ADAMTSL1: variants seen among roughly 807,000 people sequenced by gnomAD.
The protein encoded by ADAMTSL1 is ADAMTS like 1, also known as ADAMTS-like protein 1.
A neutral mutation model predicts 201.8 loss-of-function variants in ADAMTSL1; 126 were observed. The observed-to-expected ratio is 0.62, with a 90% CI of 0.54 to 0.72. The LOEUF (loss-of-function observed/expected upper bound fraction) is 0.72. Ranked by LOEUF, ADAMTSL1 falls within the 30% of genes least tolerant of loss-of-function variation. The pLI, the probability that ADAMTSL1 is intolerant of heterozygous loss-of-function variation, is 0.00. For synonymous variants in ADAMTSL1, 1,121 were observed against 903.4 expected, an observed-to-expected ratio of 1.24 and a Z score of -4.32; for missense variants, 2,679 against 2,277.8, an observed-to-expected ratio of 1.18 and a Z score of -3.59.
intron 1 of ADAMTSL1, among the ~76,000 whole-genome samples, chr9:18,058,616 C>T (rs959011095): frequency 6.6e-6 from 1 of 152,030 alleles, no homozygotes; most frequent in Non-Finnish European, 1.5e-5. Flanking sequence ...GCATTTCTCA[C>T]ATAAGAAAAA....
intron 1 of ADAMTSL1, among the ~76,000 whole-genome samples, chr9:18,014,512 G>T (rs1820175538): frequency 6.6e-6 from 1 of 151,990 alleles, no homozygotes; most frequent in South Asian, 2.1e-4. Flanking sequence ...CTAATGAAAA[G>T]GAATTCACTA....
chr9:17,930,487 T>A (rs887998835), intron 1 of ADAMTSL1, among the ~76,000 whole-genome samples: 1 of 152,232 alleles, frequency 6.6e-6, no homozygotes, highest in African/African-American at 2.4e-5. Flanking sequence ...TGGTCATACC[T>A]CCCAGCAAGG....
chr9:18,623,261 T>C (rs1310185544), intron 5 of ADAMTSL1, among the ~76,000 whole-genome samples: 1 of 151,638 alleles, frequency 6.6e-6, no homozygotes, highest in Non-Finnish European at 1.5e-5. Flanking sequence ...AAAAAAAGTG[T>C]ACTTATTAGA....
At chr9:18,041,740 A>AT (rs1342304490) in intron 1 of ADAMTSL1, among the ~76,000 whole-genome samples, 1 of 152,120 alleles carries the variant, frequency 6.6e-6, no homozygotes, top group Non-Finnish European at 1.5e-5. Flanking sequence ...GAAAATCATG[A>AT]TTTTCAAAAT....
chr9:18,510,435 C>A (rs1022640118), intron 2 of ADAMTSL1, among the ~76,000 whole-genome samples: 4 of 152,152 alleles, frequency 2.6e-5, no homozygotes, highest in African/African-American at 9.7e-5. Flanking sequence ...TCATTCTCAA[C>A]AAGCAGTACT....
intron 1 of ADAMTSL1, among the ~76,000 whole-genome samples, chr9:17,941,025 CTT>C (rs1306895195): frequency 3.4e-5 from 5 of 146,286 alleles, no homozygotes; most frequent in African/African-American, 9.9e-5. Flanking sequence ...GATGCTGACT[CTT>C]TGTTTTTTAA....
intron 2 of ADAMTSL1, among the ~76,000 whole-genome samples, chr9:18,332,819 G>T (rs1273557020): frequency 6.6e-6 from 1 of 152,138 alleles, no homozygotes. Context: ...GTGTCAGAAG[G>T]CTGCTGGCAG....
intron 1 of ADAMTSL1, among the ~76,000 whole-genome samples, chr9:17,913,947 T>A (rs1051794230): frequency 4.6e-5 from 7 of 152,132 alleles, no homozygotes; most frequent in African/African-American, 1.7e-4. Context: ...CCTCGACACA[T>A]ACACCCTCCC....
intron 23 of ADAMTSL1, among the ~76,000 whole-genome samples, chr9:18,856,737 C>T (rs150703069): frequency 8.1e-4 from 124 of 152,170 alleles, no homozygotes; most frequent in African/African-American, 2.6e-3. Context: ...GGATTACAGA[C>T]GTGAGCCAGT....
intron 7 of ADAMTSL1, among the ~76,000 whole-genome samples, chr9:18,641,929 C>A (rs1014465114): frequency 3.6e-4 from 55 of 152,032 alleles, no homozygotes; most frequent in African/African-American, 1.3e-3. Context: ...TAATCAAATT[C>A]TCTTTATAGA....
intron 14 of ADAMTSL1, among the ~76,000 whole-genome samples, chr9:18,708,046 A>G (rs538817996): frequency 2.0e-5 from 3 of 152,342 alleles, no homozygotes; most frequent in South Asian, 4.1e-4. Context: ...TTCCCTGGCT[A>G]TTAGTAACCC....
At chr9:18,727,169 C>T (rs1817942697) in intron 15 of ADAMTSL1, among the ~76,000 whole-genome samples, 1 of 152,218 alleles carries the variant, frequency 6.6e-6, no homozygotes, top group South Asian at 2.1e-4. Context: ...TGCCTTTTAA[C>T]ACAATCATAT....
At chr9:18,835,002 T>A (rs1437535478) in intron 23 of ADAMTSL1, among the ~76,000 whole-genome samples, 1 of 152,196 alleles carries the variant, frequency 6.6e-6, no homozygotes, top group African/African-American at 2.4e-5. Context: ...AATGACTTGC[T>A]CGAATCATAG....
chr9:18,449,730 A>T (rs1041373693), intron 2 of ADAMTSL1, among the ~76,000 whole-genome samples: 1 of 152,232 alleles, frequency 6.6e-6, no homozygotes. Flanking sequence ...TAAACAGAAA[A>T]TAGATACAGA....
chr9:18,688,696 A>ATG (rs1831018989), intron 13 of ADAMTSL1, among the ~76,000 whole-genome samples: 1 of 80,904 alleles, frequency 1.2e-5, no homozygotes, highest in Non-Finnish European at 2.6e-5. Context: ...AAAAATATAT[A>ATG]TATATATATA....
chr9:18,224,528 G>GC (rs952536484), intron 2 of ADAMTSL1, among the ~76,000 whole-genome samples: 5 of 151,954 alleles, frequency 3.3e-5, no homozygotes, highest in South Asian at 2.1e-4. Flanking sequence ...TCTGCTGCTG[G>GC]CCCCCCCAAA....
intron 15 of ADAMTSL1, among the ~76,000 whole-genome samples, chr9:18,724,324 G>A (rs970624839): frequency 1.3e-5 from 2 of 152,198 alleles, no homozygotes; most frequent in African/African-American, 2.4e-5. Context: ...AGGCCCTAGA[G>A]GGCAAGTCCA....
At chr9:18,690,870 C>G (rs1040796324) in intron 13 of ADAMTSL1, among the ~76,000 whole-genome samples, 5 of 152,124 alleles carry the variant, frequency 3.3e-5, no homozygotes, top group Non-Finnish European at 4.4e-5. Context: ...TTTAGAGAGC[C>G]ACTAGACTTG....
chr9:18,481,225 T>G (rs1048531738), intron 1 of ADAMTSL1, among the ~76,000 whole-genome samples: 3 of 152,164 alleles, frequency 2.0e-5, no homozygotes, highest in African/African-American at 7.2e-5. Context: ...ACATTTTTCT[T>G]GGAGGTGTCT....
Sources: allele counts gnomAD v4.1 joint callset (sites outside exome capture counted in the v4.1 genomes callset), GRCh38; gene constraint gnomAD v4.1.1; transcripts MANE v1.5; gene names NCBI Gene and HGNC (gene_info 2026-07-23, HGNC 2026-07-21).